The following LRCH1 variants were observed in gnomAD, a reference collection of about 807,000 sequenced individuals.
The protein encoded by LRCH1 is leucine rich repeats and calponin homology domain containing 1.
Under a neutral mutation model 94.9 loss-of-function variants are expected in LRCH1, and 23 were observed. That is an observed-to-expected ratio of 0.24 (90% confidence interval 0.17 to 0.34). The LOEUF (loss-of-function observed/expected upper bound fraction) is 0.34. Among genes scored for constraint, LRCH1 ranks in the 10% least tolerant of loss-of-function variants. The pLI, the probability that LRCH1 is intolerant of heterozygous loss-of-function variation, is 1.00. For missense variants in LRCH1, 790 were observed against 945.9 expected (o/e 0.84, Z 2.16); for synonymous variants, 364 against 354.9 (o/e 1.03, Z -0.29).
downstream of LRCH1, among the ~76,000 whole-genome samples, chr13:46,748,175 C>T (rs979366584): frequency 1.3e-5 from 2 of 151,838 alleles, no homozygotes; most frequent in Admixed American, 1.3e-4. Flanking sequence ...TCCTTTGTGA[C>T]TTTTTCATAA....
chr13:46,686,446 A>T (rs1187853557), intron 5 of LRCH1, among the ~76,000 whole-genome samples: 1 of 152,118 alleles, frequency 6.6e-6, no homozygotes, highest in Non-Finnish European at 1.5e-5. Context: ...CTTATGGCCT[A>T]CTGTCAAACA....
At chr13:46,705,027 G>T (rs1871676403) in intron 11 of LRCH1, 41 bp from the exon 12 acceptor site, 2 of 1,075,250 alleles carry the variant, frequency 1.9e-6, no homozygotes, top group South Asian at 1.4e-5. Context: ...AAAAATAAAA[G>T]TTTAATACGT....
intron 3 of LRCH1, among the ~76,000 whole-genome samples, chr13:46,671,159 C>T (rs17068592): frequency 0.066 from 10,105 of 152,304 alleles, 429 homozygotes; most frequent in East Asian, 0.21. Context: ...ATCACTCTTT[C>T]GTCATGGGCT....
Position 46,744,520 on chromosome 13 carries a change from G to C in LRCH1, c.*2672G>C. The C allele has an allele frequency of 1.0e-6, 1 of 985,306 alleles. No homozygotes were observed. The highest frequency in any genetic ancestry group is 1.2e-6 in the Non-Finnish European group (1 of 829,916). The allele number at this position is 985,306 out of a possible 1,614,324, so 61.0% of individuals were successfully genotyped here. ...TTTAGGGAGAGACACTTATGAAATG[G>C]GGCTGGTGGAAAGGGGCCCCGCAGA... On this transcript the variant is annotated 3_prime_UTR_variant, in exon 20 of 20. Transcript: ENST00000389797.
rs1873803674 is a variant in LRCH1, at chr13:46,744,129, A to G, written c.*2281A>G. 1.0e-6 allele frequency: 1 copy of G among 985,386 alleles called. No individual in the cohort carries two copies. The highest frequency in any genetic ancestry group is 1.7e-5 in the African/African-American group (1 of 57,354). The allele number at this position is 985,386 out of a possible 1,614,324, so 61.0% of individuals were successfully genotyped here. A position where few individuals can be genotyped will look rare whatever the true frequency, so the allele number is the denominator to read the frequency against. On this transcript the variant is annotated 3_prime_UTR_variant, in exon 20 of 20. Transcript: ENST00000389797. ...TTAAGCTTCTCTGTGGTTTTTCTCC[A>G]AGGTACCCGTGCACCAGCCCATATG...
chr13:46,654,604 A>G (rs926859428), intron 2 of LRCH1, among the ~76,000 whole-genome samples: 2 of 152,222 alleles, frequency 1.3e-5, no homozygotes, highest in Non-Finnish European at 2.9e-5. Flanking sequence ...ACATAGAAGT[A>G]TATAATCAAT....
intron 18 of LRCH1, chr13:46,750,430 A>G (rs1874077637): frequency 7.1e-6 from 5 of 706,710 alleles, no homozygotes; most frequent in South Asian, 5.6e-5. Context: ...GTGATCAAAC[A>G]GGCATACTAG....
intron 5 of LRCH1, among the ~76,000 whole-genome samples, chr13:46,686,334 A>C (rs1015962720): frequency 6.6e-6 from 1 of 152,198 alleles, no homozygotes; most frequent in Non-Finnish European, 1.5e-5. Context: ...AGACTGAGTG[A>C]GGAAACCCAG....
At chr13:46,598,694 C>A (rs1174553961) in intron 1 of LRCH1, among the ~76,000 whole-genome samples, 1 of 151,968 alleles carries the variant, frequency 6.6e-6, no homozygotes, top group Non-Finnish European at 1.5e-5. Context: ...TCAGAACTTC[C>A]GGGATGGGCT....
chr13:46,748,193 T>G (rs760875126), downstream of LRCH1, among the ~76,000 whole-genome samples: 4 of 152,248 alleles, frequency 2.6e-5, no homozygotes, highest in Non-Finnish European at 5.9e-5. Context: ...TAATGCTTTT[T>G]TAGCTTAGGA....
intron 13 of LRCH1, among the ~76,000 whole-genome samples, chr13:46,708,531 C>T (rs1871893730): frequency 6.6e-6 from 1 of 152,136 alleles, no homozygotes; most frequent in Admixed American, 6.5e-5. Flanking sequence ...CTCAGCCTCC[C>T]AAAGTGCTGG....
chr13:46,708,495 C>T (rs1871891230), intron 13 of LRCH1, among the ~76,000 whole-genome samples: 2 of 152,130 alleles, frequency 1.3e-5, no homozygotes, highest in Admixed American at 1.3e-4. Context: ...TGGTCTCAAA[C>T]TTCTGAGCTC....
At chr13:46,637,485 C>T (rs12864576) in intron 1 of LRCH1, among the ~76,000 whole-genome samples, 84,168 of 152,014 alleles carry the variant, frequency 0.55, 23,384 homozygotes, top group East Asian at 0.62. Flanking sequence ...TCACCCTTGT[C>T]CCCTCGCTGG....
intron 1 of LRCH1, among the ~76,000 whole-genome samples, chr13:46,565,812 AAAT>A (rs3068690): frequency 0.2 from 27,735 of 139,988 alleles, 3,916 homozygotes; most frequent in African/African-American, 0.41. Context: ...TCTGTCTCCA[AAAT>A]AATAATAATA....
chr13:46,570,706 A>T (rs186247409), intron 1 of LRCH1, among the ~76,000 whole-genome samples: 114 of 152,374 alleles, frequency 7.5e-4, no homozygotes, highest in African/African-American at 2.6e-3. Flanking sequence ...GGTAGGGAAG[A>T]GTAGTACCAT....
At chr13:46,570,315 A>G (rs940755097) in intron 1 of LRCH1, among the ~76,000 whole-genome samples, 5 of 152,224 alleles carry the variant, frequency 3.3e-5, no homozygotes, top group Admixed American at 3.3e-4. Flanking sequence ...GGAAACTGAC[A>G]TTGACTGTGC....
chr13:46,585,781 C>A (rs907111678), intron 1 of LRCH1, among the ~76,000 whole-genome samples: 2 of 151,694 alleles, frequency 1.3e-5, no homozygotes, highest in East Asian at 3.9e-4. Flanking sequence ...CCCCCACCTT[C>A]CTCGGCTATT....
intron 4 of LRCH1, among the ~76,000 whole-genome samples, chr13:46,682,125 T>C (rs1474224348): frequency 6.6e-6 from 1 of 152,172 alleles, no homozygotes; most frequent in Non-Finnish European, 1.5e-5. Context: ...CTGGGGCTAC[T>C]ATAACAAAGA....
intron 1 of LRCH1, among the ~76,000 whole-genome samples, chr13:46,645,694 A>G (rs2051212092): frequency 6.6e-6 from 1 of 152,166 alleles, no homozygotes. Flanking sequence ...TTCTGCTCTC[A>G]GGTTAGAGTG....
Sources: gnomAD v4.1 joint callset for allele counts (sites outside exome capture counted in the v4.1 genomes callset) on GRCh38, gnomAD v4.1.1 for gene constraint, MANE v1.5 for transcripts, NCBI Gene and HGNC (gene_info 2026-07-23, HGNC 2026-07-21) for gene names.